The following CMKLR2 variants were observed in gnomAD, a reference collection of about 807,000 sequenced individuals.
The protein encoded by CMKLR2 is chemerin chemokine-like receptor 2, also known as chemerin-like receptor 2.
In CMKLR2, 18 loss-of-function variants were observed where a neutral mutation model predicts 23.0. That is an observed-to-expected ratio of 0.78 (90% confidence interval 0.54 to 1.16). CMKLR2 has a LOEUF of 1.16. Ranked by LOEUF, CMKLR2 falls within the 50% of genes most tolerant of loss-of-function variation. The probability of loss-of-function intolerance (pLI) is 0.00; values close to 1 mark genes in which losing one functional copy is unlikely to be tolerated. For missense variants in CMKLR2, 401 were observed against 412.7 expected (o/e 0.97, Z 0.25); for synonymous variants, 158 against 158.9 (o/e 0.99, Z 0.05).
chr2:206,194,920 AT>A (rs917394672), intron 1 of CMKLR2, among the ~76,000 whole-genome samples: 19 of 148,860 alleles, frequency 1.3e-4, no homozygotes, highest in African/African-American at 1.7e-4. Flanking sequence ...AGCCTGGCTA[AT>A]TTTTTTTTGT....
Position 206,177,073 on chromosome 2 carries a change from C to T in CMKLR2, c.175G>A (p.Val59Ile), listed in dbSNP as rs781277858. 35 of 1,614,070 alleles carry T rather than the reference C, an allele frequency of 2.2e-5. No homozygotes were observed. The highest frequency in any genetic ancestry group is 3.3e-5 in the South Asian group (3 of 91,092). The change falls in exon 2 of 2, where the codon GTC becomes ATC. Residue 59 changes from valine to isoleucine, a missense_variant. Val to Ile is a conservative substitution (Grantham distance 29). Coordinates refer to ENST00000621141, the MANE Select transcript of CMKLR2 (RefSeq NM_001389445.1). ...CACTTGAACCCCGTGAACCAAATGACGATGGCATTTCCTGGAATTCCCAGA... is the reference window on the plus strand; with the variant it reads ...CACTTGAACCCCGTGAACCAAATGATGATGGCATTTCCTGGAATTCCCAGA... The part of the protein sequence containing the change: ...FVLGIPGNAI[V>I]IWFTGFKWKK...
chr2:206,196,411 T>TAAATAAAC (rs1184415590), intron 1 of CMKLR2, among the ~76,000 whole-genome samples: 1 of 151,762 alleles, frequency 6.6e-6, no homozygotes, highest in Non-Finnish European at 1.5e-5. Context: ...AATAAATAAA[T>TAAATAAAC]AGTGTTTAAA....
intron 1 of CMKLR2, among the ~76,000 whole-genome samples, chr2:206,184,032 G>T (rs1688496509): frequency 6.6e-6 from 1 of 152,168 alleles, no homozygotes; most frequent in African/African-American, 2.4e-5. Context: ...AATCAAGGTT[G>T]TTTCCTTCTG....
intron 1 of CMKLR2, among the ~76,000 whole-genome samples, chr2:206,207,159 T>TTC (rs1273270231): frequency 2.7e-5 from 4 of 150,520 alleles, no homozygotes; most frequent in Non-Finnish European, 5.9e-5. Flanking sequence ...ATTTTTTTTT[T>TTC]TTTTTTTGAG....
At chr2:206,210,755 C>A (rs1689531258) in intron 1 of CMKLR2, among the ~76,000 whole-genome samples, 2 of 152,100 alleles carry the variant, frequency 1.3e-5, no homozygotes, top group Admixed American at 1.3e-4. Context: ...GCCACCGTGC[C>A]CGGCCTGCAA....
At chr2:206,197,898 C>T (rs1688970761) in intron 1 of CMKLR2, among the ~76,000 whole-genome samples, 2 of 152,118 alleles carry the variant, frequency 1.3e-5, no homozygotes, top group South Asian at 4.1e-4. Flanking sequence ...CAAATGACAG[C>T]CATTTTCTCT....
chr2:206,197,701 A>T (rs974878701), intron 1 of CMKLR2, among the ~76,000 whole-genome samples: 6 of 151,800 alleles, frequency 4.0e-5, no homozygotes, highest in Admixed American at 6.6e-5. Context: ...TAATTATAAA[A>T]TTTTTTTTGT....
chr2:206,192,494 G>C (rs762866584), intron 1 of CMKLR2, among the ~76,000 whole-genome samples: 6 of 151,582 alleles, frequency 4.0e-5, no homozygotes, highest in Non-Finnish European at 7.4e-5. Context: ...CTTGAGGTCA[G>C]GGCTTCAAGA....
At chr2:206,186,355 C>T (rs1004160342) in intron 1 of CMKLR2, among the ~76,000 whole-genome samples, 9 of 152,106 alleles carry the variant, frequency 5.9e-5, no homozygotes, top group Non-Finnish European at 1.5e-5. Context: ...TTGTGATCCG[C>T]CTGCCTCGGC....
chr2:206,209,423 GGTTT>G (rs1689455739), intron 1 of CMKLR2, among the ~76,000 whole-genome samples: 1 of 152,000 alleles, frequency 6.6e-6, no homozygotes, highest in Admixed American at 6.6e-5. Context: ...AGGATGTACA[GGTTT>G]GTTACATAGG....
chr2:206,179,497 C>A (rs958795627), intron 1 of CMKLR2, among the ~76,000 whole-genome samples: 17 of 150,316 alleles, frequency 1.1e-4, no homozygotes, highest in African/African-American at 3.9e-4. Context: ...CTGCCTCAGC[C>A]TCCAGGTATT....
chr2:206,197,960 A>G (rs1387090852), intron 1 of CMKLR2, among the ~76,000 whole-genome samples: 1 of 152,178 alleles, frequency 6.6e-6, no homozygotes, highest in African/African-American at 2.4e-5. Flanking sequence ...ACACCTGGAC[A>G]GCTCACTCTA....
intron 1 of CMKLR2, among the ~76,000 whole-genome samples, chr2:206,205,180 G>T (rs1345748185): frequency 1.3e-5 from 2 of 152,202 alleles, no homozygotes; most frequent in African/African-American, 2.4e-5. Context: ...ATTCTGAGCA[G>T]ATTCCACTTA....
intron 1 of CMKLR2, among the ~76,000 whole-genome samples, chr2:206,197,680 A>T (rs1455814993): frequency 1.3e-5 from 2 of 152,104 alleles, no homozygotes; most frequent in African/African-American, 4.8e-5. Flanking sequence ...TTCATTTAAA[A>T]AATTTCATTG....
At chr2:206,184,493 C>A (rs1019017552) in intron 1 of CMKLR2, among the ~76,000 whole-genome samples, 2 of 152,052 alleles carry the variant, frequency 1.3e-5, no homozygotes, top group South Asian at 2.1e-4. Flanking sequence ...GACGGGGTTT[C>A]ACTATATTGG....
At chr2:206,178,759 C>T (rs1688309406) in intron 1 of CMKLR2, among the ~76,000 whole-genome samples, 1 of 152,002 alleles carries the variant, frequency 6.6e-6, no homozygotes, top group Non-Finnish European at 1.5e-5. Flanking sequence ...AGCAATTCTC[C>T]TGTTTGAGCC....
intron 1 of CMKLR2, among the ~76,000 whole-genome samples, chr2:206,183,025 A>G (rs1337802604): frequency 6.6e-6 from 1 of 151,902 alleles, no homozygotes; most frequent in East Asian, 1.9e-4. Flanking sequence ...ATGCTGCCCC[A>G]TTCTTTCAGG....
At chr2:206,210,147 A>G (rs892371146) in intron 1 of CMKLR2, among the ~76,000 whole-genome samples, 20 of 151,066 alleles carry the variant, frequency 1.3e-4, no homozygotes, top group Non-Finnish European at 2.7e-4. Flanking sequence ...TATTTTTAGT[A>G]GAGACGGGGT....
chr2:206,212,294 A>T (rs757069331), intron 1 of CMKLR2, among the ~76,000 whole-genome samples: 2 of 152,236 alleles, frequency 1.3e-5, no homozygotes. Flanking sequence ...CATGAAAAAC[A>T]TAATAATCTA....
Sources: gnomAD v4.1 joint callset for allele counts (sites outside exome capture counted in the v4.1 genomes callset) on GRCh38, gnomAD v4.1.1 for gene constraint, MANE v1.5 for transcripts, NCBI Gene and HGNC (gene_info 2026-07-23, HGNC 2026-07-21) for gene names.